PCSK6: variants seen among roughly 807,000 people sequenced by gnomAD.
PCSK6 encodes proprotein convertase subtilisin/kexin type 6, also known as paired basic amino acid cleaving enzyme 4.
PCSK6 carries 85 observed loss-of-function variants against 123.3 expected under a neutral mutation model. The ratio of observed to expected loss-of-function variants is 0.69; its 90% CI spans 0.58 to 0.83. The LOEUF is 0.83. Among genes scored for constraint, PCSK6 ranks in the 40% least tolerant of loss-of-function variants. The pLI is 0.00. For missense variants in PCSK6, 1,191 were observed against 1,282.3 expected (o/e 0.93, Z 1.09); for synonymous variants, 508 against 516.0 (o/e 0.98, Z 0.21).
chr15:101,330,097 C>G (rs2040342503), intron 15 of PCSK6, among the ~76,000 whole-genome samples: 1 of 152,224 alleles, frequency 6.6e-6, no homozygotes, highest in African/African-American at 2.4e-5. Context: ...TCTGGCCTAG[C>G]AGGTTGGCTG....
At chr15:101,350,702 G>A (rs994365503) in intron 13 of PCSK6, among the ~76,000 whole-genome samples, 8 of 152,128 alleles carry the variant, frequency 5.3e-5, no homozygotes, top group African/African-American at 1.9e-4. Flanking sequence ...AGAGTGGCTG[G>A]CCCCCGCAAG....
At chr15:101,440,366 G>A (rs558672085) in intron 2 of PCSK6, among the ~76,000 whole-genome samples, 2 of 152,360 alleles carry the variant, frequency 1.3e-5, no homozygotes, top group South Asian at 2.1e-4. Context: ...GGATCAGTGC[G>A]AAGAAGATGC....
Position 101,472,754 on chromosome 15 carries a change from A to G in PCSK6, c.297+16620T>C, listed in dbSNP as rs536832971. On this transcript the variant is annotated intron_variant, in intron 1 of 21. Coordinates refer to ENST00000611716, the MANE Select transcript of PCSK6 (RefSeq NM_002570.5). ...GAACCAATTGCTGGAAAGTAGAACC[A>G]ACTTGGAATAAGAAAATAAATTGGG... 5.9e-5 allele frequency among the ~76,000 whole-genome samples: 9 copies of G among 152,366 alleles called. No homozygotes were observed. In the East Asian group the frequency reaches 1.5e-3, roughly 26 times the overall value.
At chr15:101,323,342 C>T (rs972054076) in intron 17 of PCSK6, among the ~76,000 whole-genome samples, 5 of 152,170 alleles carry the variant, frequency 3.3e-5, no homozygotes, top group African/African-American at 9.7e-5. Context: ...GGGATGAAGG[C>T]GCCTCCGTCC....
chr15:101,354,118 G>A (rs1596220996), intron 13 of PCSK6, among the ~76,000 whole-genome samples: 1 of 152,132 alleles, frequency 6.6e-6, no homozygotes, highest in East Asian at 1.9e-4. Context: ...GCTCAGCCTT[G>A]TGTTACACTG....
intron 6 of PCSK6, among the ~76,000 whole-genome samples, chr15:101,418,403 T>C (rs1335654121): frequency 6.6e-6 from 1 of 152,084 alleles, no homozygotes. Flanking sequence ...ATTTTATAAA[T>C]GAAGTTGTAA....
chr15:101,489,430 C>A lies in PCSK6; in HGVS notation c.241G>T (p.Gly81Cys). 1 of 1,276,260 alleles carries A rather than the reference C, an allele frequency of 7.8e-7. No homozygotes were observed. Among genetic ancestry groups the A allele is most frequent in the Non-Finnish European group, 1.0e-6 (1 of 997,942 alleles). The allele number at this position is 1,276,260 out of a possible 1,614,324, so 79.1% of individuals were successfully genotyped here. Reference protein sequence around the residue: ...TNHWAVQVLGGPAEADRVAAA... With the variant: ...TNHWAVQVLGCPAEADRVAAA... ...GCCACGCGGTCCGCCTCGGCCGGGC[C>A]GCCCAGCACTTGCACCGCCCAGTGG... Residue 81 changes from glycine (G) to cysteine (C), a missense_variant, in exon 1 of 22, where the codon GGC (glycine) becomes TGC (cysteine). Gly to Cys is a radical substitution (Grantham distance 159). Transcript: ENST00000611716.
chr15:101,371,913 T>C (rs2041599071), intron 11 of PCSK6, among the ~76,000 whole-genome samples: 1 of 152,160 alleles, frequency 6.6e-6, no homozygotes, highest in South Asian at 2.1e-4. Flanking sequence ...TGGTTCCCTT[T>C]ACAAACTCAG....
intron 6 of PCSK6, among the ~76,000 whole-genome samples, chr15:101,421,210 T>C (rs920326880): frequency 6.6e-6 from 1 of 152,188 alleles, no homozygotes; most frequent in Non-Finnish European, 1.5e-5. Context: ...CCTCTCAAAG[T>C]GCTGGGATTA....
At chr15:101,413,960 A>T (rs1273566577) in intron 6 of PCSK6, among the ~76,000 whole-genome samples, 1 of 152,222 alleles carries the variant, frequency 6.6e-6, no homozygotes. Flanking sequence ...TTCAAATATA[A>T]CAATATAGGC....
intron 6 of PCSK6, among the ~76,000 whole-genome samples, chr15:101,410,445 A>T (rs1199889197): frequency 6.6e-6 from 1 of 152,240 alleles, no homozygotes; most frequent in East Asian, 1.9e-4. Flanking sequence ...AAAGACAAAA[A>T]GGTGAACAGA....
chr15:101,462,980 G>A (rs938287587), intron 1 of PCSK6: 1 of 455,720 alleles, frequency 2.2e-6, no homozygotes, highest in Non-Finnish European at 4.4e-6. Context: ...GCTTTGTGCA[G>A]AGGAGGGCCG....
At chr15:101,325,484 G>GCTCTTGACCTT (rs2040231689) in intron 16 of PCSK6, among the ~76,000 whole-genome samples, 1 of 152,178 alleles carries the variant, frequency 6.6e-6, no homozygotes, top group Non-Finnish European at 1.5e-5. Flanking sequence ...GAGCCACATG[G>GCTCTTGACCTT]GCACCCGGCT....
At chr15:101,456,982 G>T (rs1240166014) in intron 1 of PCSK6, among the ~76,000 whole-genome samples, 1 of 152,054 alleles carries the variant, frequency 6.6e-6, no homozygotes, top group East Asian at 1.9e-4. Flanking sequence ...GACTAGCCTG[G>T]CCAACATGGT....
In PCSK6 at chr15:101,432,121, A is replaced by G. The variant is rs760191347; in HGVS notation, c.403-21T>C. The G allele has an allele frequency of 1.9e-6, 3 of 1,577,046 alleles. No individual in the cohort carries two copies. In the South Asian group the frequency reaches 3.4e-5, roughly 18 times the overall value. ...TTCACCTACCAGAAGAAATGCAATT[A>G]CTGTTTATATTAGAAATGATTTCTT... On this transcript the variant is annotated intron_variant, in intron 2 of 21. Transcript: ENST00000611716.
In PCSK6 at chr15:101,489,451, A is replaced by G; in HGVS notation, c.220T>C (p.Trp74Arg). ...GGGCCGCCCAGCACTTGCACCGCCC[A>G]GTGGTTGGTGTAGACGGGGCGCGGC... Reference protein sequence around the residue: ...PPPRPVYTNHWAVQVLGGPAE... With the variant: ...PPPRPVYTNHRAVQVLGGPAE... The change falls in exon 1 of 22, where the codon TGG (tryptophan) becomes CGG (arginine). Residue 74 changes from tryptophan to arginine, a missense_variant. Physicochemically the swap from Trp to Arg is moderately radical, Grantham distance 101. Coordinates refer to ENST00000611716, the MANE Select transcript of PCSK6 (RefSeq NM_002570.5). 2 of 1,204,124 alleles carry G rather than the reference A, an allele frequency of 1.7e-6. No individual in the cohort carries two copies. The highest frequency in any genetic ancestry group is 1.0e-6 in the Non-Finnish European group (1 of 962,362). 74.6% of individuals were successfully genotyped at this position (1,204,124 alleles called of 1,614,324 possible). A position where few individuals can be genotyped will look rare whatever the true frequency, so the allele number is the denominator to read the frequency against.
chr15:101,403,286 G>C (rs1052389505), intron 6 of PCSK6, among the ~76,000 whole-genome samples: 2 of 106,810 alleles, frequency 1.9e-5, no homozygotes, highest in Admixed American at 2.3e-4. Context: ...TGGGGGGAGG[G>C]GGGAGGGATA....
At chr15:101,432,459 C>A (rs1179754571) in intron 2 of PCSK6, among the ~76,000 whole-genome samples, 48 of 117,276 alleles carry the variant, frequency 4.1e-4, no homozygotes, top group Admixed American at 6.2e-4. Context: ...CCCACCTCTC[C>A]AAAAAAAAAA....
At chr15:101,447,690 G>T (rs1455302414) in intron 1 of PCSK6, among the ~76,000 whole-genome samples, 2 of 152,348 alleles carry the variant, frequency 1.3e-5, no homozygotes, top group African/African-American at 2.4e-5. Context: ...TGTGGCATTT[G>T]CCCTGATGGC....
Sources: allele counts gnomAD v4.1 joint callset (sites outside exome capture counted in the v4.1 genomes callset), GRCh38; gene constraint gnomAD v4.1.1; transcripts MANE v1.5; gene names NCBI Gene and HGNC (gene_info 2026-07-23, HGNC 2026-07-21).